NRXN1: variants seen among roughly 807,000 people sequenced by gnomAD.
The protein encoded by NRXN1 is neurexin 1.
In NRXN1, 39 loss-of-function variants were observed where a neutral mutation model predicts 150.9. The ratio of observed to expected loss-of-function variants is 0.26; its 90% CI spans 0.20 to 0.34. The LOEUF (loss-of-function observed/expected upper bound fraction) is 0.34, where lower values mean the gene tolerates loss of function less well. Ranked by LOEUF, NRXN1 falls within the 10% of genes least tolerant of loss-of-function variation. The pLI is 1.00. For missense variants in NRXN1, 1,815 were observed against 1,949.9 expected (o/e 0.93, Z 1.30); for synonymous variants, 924 against 757.0 (o/e 1.22, Z -3.62).
At chr2:51,008,053 A>G (rs1667296772) in intron 2 of NRXN1, among the ~76,000 whole-genome samples, 6 of 151,948 alleles carry the variant, frequency 3.9e-5, no homozygotes. Context: ...AGATTTGCCT[A>G]CAGTCTTCCT....
chr2:49,951,733 G>A (rs1245513412), intron 21 of NRXN1, among the ~76,000 whole-genome samples: 1 of 151,970 alleles, frequency 6.6e-6, no homozygotes, highest in Non-Finnish European at 1.5e-5. Context: ...TAGTCACACA[G>A]GTTGAAATGA....
At chr2:50,793,083 G>C (rs929066007) in intron 5 of NRXN1, among the ~76,000 whole-genome samples, 25 of 152,054 alleles carry the variant, frequency 1.6e-4, no homozygotes, top group Non-Finnish European at 3.2e-4. Context: ...TCCACCGAGT[G>C]TAAGTAATAG....
intron 18 of NRXN1, among the ~76,000 whole-genome samples, chr2:50,137,404 A>G (rs528396478): frequency 2.4e-4 from 36 of 152,196 alleles, no homozygotes; most frequent in African/African-American, 7.9e-4. Flanking sequence ...AGTCTAGGGA[A>G]AGTTCATGGA....
chr2:50,632,098 T>C (rs948458701), intron 5 of NRXN1, among the ~76,000 whole-genome samples: 1 of 151,966 alleles, frequency 6.6e-6, no homozygotes, highest in Non-Finnish European at 1.5e-5. Flanking sequence ...CAGTCCTCAT[T>C]TATGAAATGG....
intron 21 of NRXN1, among the ~76,000 whole-genome samples, chr2:49,986,567 A>C (rs1174498010): frequency 6.6e-6 from 1 of 152,198 alleles, no homozygotes; most frequent in Non-Finnish European, 1.5e-5. Flanking sequence ...ATCCTTATGA[A>C]ACAATGAGAA....
At chr2:50,517,124 T>C (rs1228968629) in intron 12 of NRXN1, among the ~76,000 whole-genome samples, 2 of 152,114 alleles carry the variant, frequency 1.3e-5, no homozygotes, top group African/African-American at 4.8e-5. Flanking sequence ...AAGCTAATAC[T>C]AGAAACAATG....
intron 17 of NRXN1, among the ~76,000 whole-genome samples, chr2:50,408,333 T>TA (rs1267353907): frequency 6.6e-6 from 1 of 152,214 alleles, no homozygotes; most frequent in Non-Finnish European, 1.5e-5. Context: ...ATTGAGCACT[T>TA]ACCATGTCCA....
chr2:50,234,898 C>A (rs759608945), intron 18 of NRXN1, among the ~76,000 whole-genome samples: 1 of 151,924 alleles, frequency 6.6e-6, no homozygotes, highest in African/African-American at 2.4e-5. Flanking sequence ...CTAGAATGGA[C>A]GCCGAGAAAG....
At chr2:50,818,207 C>G (rs915247821) in intron 5 of NRXN1, among the ~76,000 whole-genome samples, 3 of 127,564 alleles carry the variant, frequency 2.4e-5, no homozygotes, top group Non-Finnish European at 5.1e-5. Context: ...TTTTTTTATT[C>G]CTGAAAAAAA....
chr2:49,932,005 T>C (rs938275617), intron 22 of NRXN1, among the ~76,000 whole-genome samples: 3 of 152,164 alleles, frequency 2.0e-5, no homozygotes, highest in Non-Finnish European at 2.9e-5. Flanking sequence ...AAAACCTGGT[T>C]TATAGTAAGA....
At chr2:50,967,719 T>C (rs1183009986) in intron 2 of NRXN1, among the ~76,000 whole-genome samples, 1 of 151,958 alleles carries the variant, frequency 6.6e-6, no homozygotes, top group Non-Finnish European at 1.5e-5. Flanking sequence ...ACAGTGTTAA[T>C]GTCGAATAAG....
chr2:50,420,096 A>G (rs1446429082), intron 17 of NRXN1, among the ~76,000 whole-genome samples: 1 of 152,076 alleles, frequency 6.6e-6, no homozygotes, highest in African/African-American at 2.4e-5. Flanking sequence ...TCTTTTTACA[A>G]AAATGACAGA....
In NRXN1 at chr2:50,132,882, T is replaced by C. The variant is rs990007524; in HGVS notation, c.3547-41388A>G. Among the ~76,000 whole-genome samples, 3 of 147,578 alleles carry C rather than the reference T, an allele frequency of 2.0e-5. No individual in the cohort carries two copies. In the South Asian group the frequency reaches 6.9e-4, roughly 34 times the overall value. On this transcript the variant is annotated intron_variant, in intron 18 of 22. Transcript: ENST00000401669. ...TTTTTTTTTTTTTTTTACCTTGCCA[T>C]CTACTTCTTTCCACCCTGCTAAAAT...
chr2:50,351,329 C>T (rs1207561539), intron 17 of NRXN1, among the ~76,000 whole-genome samples: 1 of 152,124 alleles, frequency 6.6e-6, no homozygotes, highest in Non-Finnish European at 1.5e-5. Flanking sequence ...GGAATTTATG[C>T]CCCAACACCT....
intron 18 of NRXN1, among the ~76,000 whole-genome samples, chr2:50,169,111 C>A (rs552925738): frequency 6.6e-6 from 1 of 152,274 alleles, no homozygotes; most frequent in African/African-American, 2.4e-5. Flanking sequence ...TACAATAGCT[C>A]ATTTAATTAA....
At chr2:50,793,600 G>C (rs17568770) in intron 5 of NRXN1, among the ~76,000 whole-genome samples, 1 of 151,972 alleles carries the variant, frequency 6.6e-6, no homozygotes, top group Admixed American at 6.6e-5. Context: ...AATAAAGTGT[G>C]TTCTTTCAAA....
intron 5 of NRXN1, among the ~76,000 whole-genome samples, chr2:50,843,730 C>T (rs942067128): frequency 1.3e-5 from 2 of 152,054 alleles, no homozygotes; most frequent in Non-Finnish European, 2.9e-5. Context: ...AGAGCCATGC[C>T]CAGGTAAACA....
At chr2:50,386,504 A>T (rs1212654004) in intron 17 of NRXN1, among the ~76,000 whole-genome samples, 3 of 152,160 alleles carry the variant, frequency 2.0e-5, no homozygotes, top group Non-Finnish European at 4.4e-5. Context: ...CCCAGAATGA[A>T]AGAGCAAAGT....
chr2:50,270,370 G>A (rs1243537243), intron 17 of NRXN1, among the ~76,000 whole-genome samples: 2 of 152,024 alleles, frequency 1.3e-5, no homozygotes, highest in Admixed American at 1.3e-4. Context: ...GAAACACTAA[G>A]TACTTCTAGA....
Sources: gnomAD v4.1 joint callset for allele counts (sites outside exome capture counted in the v4.1 genomes callset) on GRCh38, gnomAD v4.1.1 for gene constraint, MANE v1.5 for transcripts, NCBI Gene and HGNC (gene_info 2026-07-23, HGNC 2026-07-21) for gene names.